Variants in RBFOX1 observed in about 807,000 individuals in gnomAD.
RBFOX1 encodes the protein RNA binding fox-1 homolog 1.
RBFOX1 carries 8 observed loss-of-function variants against 57.7 expected under a neutral mutation model. That is an observed-to-expected ratio of 0.14 (90% CI 0.08 to 0.25). The LOEUF is 0.25. RBFOX1 is among the 10% of genes least tolerant of loss of function. RBFOX1 has a pLI of 1.00. For synonymous variants in RBFOX1, 326 were observed against 222.4 expected (o/e 1.47, Z -4.15); for missense variants, 611 against 548.5 (o/e 1.11, Z -1.14).
chr16:6,060,141 T>G (rs1254023769), intron 1 of RBFOX1, among the ~76,000 whole-genome samples: 8 of 28,936 alleles, frequency 2.8e-4, no homozygotes, highest in East Asian at 1.5e-3. Flanking sequence ...TTTTTTTTTT[T>G]TTTTTTTTTT....
intron 2 of RBFOX1, among the ~76,000 whole-genome samples, chr16:6,644,771 C>A (rs925107574): frequency 6.6e-6 from 1 of 152,118 alleles, no homozygotes; most frequent in Non-Finnish European, 1.5e-5. Context: ...CCTGTGATTG[C>A]CCTGGGATTC....
At chr16:6,558,325 C>T (rs1452648908) in intron 2 of RBFOX1, among the ~76,000 whole-genome samples, 1 of 152,136 alleles carries the variant, frequency 6.6e-6, no homozygotes, top group Non-Finnish European at 1.5e-5. Flanking sequence ...CATGTTGCCG[C>T]TGCTGCTGCT....
At chr16:7,040,649 A>T (rs2045856478) in intron 3 of RBFOX1, among the ~76,000 whole-genome samples, 1 of 152,106 alleles carries the variant, frequency 6.6e-6, no homozygotes, top group Non-Finnish European at 1.5e-5. Context: ...ACTTTTTTCC[A>T]GGTATAAATG....
intron 4 of RBFOX1, among the ~76,000 whole-genome samples, chr16:7,244,567 A>G (rs11077161): frequency 0.66 from 100,128 of 152,114 alleles, 35,163 homozygotes; most frequent in African/African-American, 0.91. Flanking sequence ...CAATGCTCCT[A>G]GAGAAAGGGA....
chr16:6,355,938 A>G (rs960423244), intron 2 of RBFOX1, among the ~76,000 whole-genome samples: 2 of 152,204 alleles, frequency 1.3e-5, no homozygotes, highest in Admixed American at 6.5e-5. Flanking sequence ...GTAGGTCAAG[A>G]AAACACATGG....
chr16:6,322,186 G>A (rs1225771893), intron 2 of RBFOX1, among the ~76,000 whole-genome samples: 1 of 152,118 alleles, frequency 6.6e-6, no homozygotes, highest in Non-Finnish European at 1.5e-5. Context: ...TACGTATCTG[G>A]GAATTCTTTC....
At chr16:6,521,300 A>G (rs1370202901) in intron 2 of RBFOX1, among the ~76,000 whole-genome samples, 1 of 152,094 alleles carries the variant, frequency 6.6e-6, no homozygotes, top group Non-Finnish European at 1.5e-5. Flanking sequence ...TGGATATGTT[A>G]ATTTCTGAAG....
intron 4 of RBFOX1, among the ~76,000 whole-genome samples, chr16:7,324,421 C>T (rs1299399677): frequency 6.6e-6 from 1 of 152,040 alleles, no homozygotes; most frequent in Non-Finnish European, 1.5e-5. Context: ...AAAGAAAAGT[C>T]CAGCGGAGTA....
intron 10 of RBFOX1, among the ~76,000 whole-genome samples, chr16:7,619,237 T>C (rs995836122): frequency 6.6e-6 from 1 of 152,180 alleles, no homozygotes; most frequent in Non-Finnish European, 1.5e-5. Context: ...AAACTATTTG[T>C]ATGATTCTAG....
At chr16:5,685,841 C>A (rs912557929) in intron 3 of RBFOX1, among the ~76,000 whole-genome samples, 1 of 152,130 alleles carries the variant, frequency 6.6e-6, no homozygotes, top group African/African-American at 2.4e-5. Flanking sequence ...AGCAATTTCA[C>A]CTTTAATTAT....
At chr16:6,808,321 G>C (rs1205959449) in intron 3 of RBFOX1, among the ~76,000 whole-genome samples, 1 of 151,768 alleles carries the variant, frequency 6.6e-6, no homozygotes, top group Non-Finnish European at 1.5e-5. Context: ...CCCCACCACT[G>C]ATTCCCATCT....
intron 2 of RBFOX1, among the ~76,000 whole-genome samples, chr16:5,519,708 G>C (rs1030788068): frequency 6.6e-6 from 1 of 152,222 alleles, no homozygotes; most frequent in African/African-American, 2.4e-5. Context: ...CTGAATGATA[G>C]AGTGAGATGG....
chr16:6,826,302 C>T (rs2092127974), intron 3 of RBFOX1, among the ~76,000 whole-genome samples: 1 of 152,086 alleles, frequency 6.6e-6, no homozygotes, highest in Non-Finnish European at 1.5e-5. Flanking sequence ...CGTTTGAGTC[C>T]AGGAGTTCAA....
chr16:6,870,305 G>A (rs148477510), intron 3 of RBFOX1, among the ~76,000 whole-genome samples: 97 of 152,162 alleles, frequency 6.4e-4, no homozygotes, highest in African/African-American at 2.2e-3. Flanking sequence ...TTGTTTGTCA[G>A]CACTACTGAA....
At chr16:6,090,007 G>A (rs1001188208) in intron 1 of RBFOX1, 6 of 152,184 alleles carry the variant, frequency 3.9e-5, no homozygotes, top group Admixed American at 1.3e-4. Context: ...ACATCACGAG[G>A]TAGGCAGCAA....
Position 7,452,253 on chromosome 16 carries a change from T to C in RBFOX1, c.28-65894T>C, listed in dbSNP as rs184952126. On this transcript the variant is annotated intron_variant, in intron 4 of 15. Transcript: ENST00000550418. ...TGGCTTGGTTAAAGCACTTTAGTAA[T>C]AGTCTATTTAGGGTAACAATGTAGC... Among the ~76,000 whole-genome samples the C allele has an allele frequency of 1.8e-3, 280 of 152,300 alleles. 2 individuals are homozygous for C. The highest frequency in any genetic ancestry group is 6.4e-3 in the African/African-American group (267 of 41,570).
rs191011087 is a variant in RBFOX1, at chr16:6,980,517, G to C, written c.-15-71540G>C. ...ATTCCTAGGCCCACTGGTTATCCAT[G>C]AACAGAAAAGTGTTTTCCAAGCTAA... On this transcript the variant is annotated intron_variant, in intron 3 of 15. Coordinates refer to ENST00000550418, the MANE Select transcript of RBFOX1 (RefSeq NM_018723.4). Among the ~76,000 whole-genome samples, 128 of 152,262 alleles carry C rather than the reference G, an allele frequency of 8.4e-4. 2 individuals carry two copies. The highest frequency in any genetic ancestry group is 3.4e-3 in the Middle Eastern group (1 of 294).
At chr16:6,742,828 A>G (rs1165880432) in intron 3 of RBFOX1, among the ~76,000 whole-genome samples, 1 of 152,096 alleles carries the variant, frequency 6.6e-6, no homozygotes, top group African/African-American at 2.4e-5. Flanking sequence ...ATGGTGGGAG[A>G]AAAAAAGATG....
chr16:6,020,352 C>T (rs189834465), intron 1 of RBFOX1, among the ~76,000 whole-genome samples: 5 of 152,198 alleles, frequency 3.3e-5, no homozygotes, highest in African/African-American at 9.6e-5. Flanking sequence ...TCTCCCTGGC[C>T]GGCTGCAAGC....
Sources: gnomAD v4.1 joint callset for allele counts (sites outside exome capture counted in the v4.1 genomes callset) on GRCh38, gnomAD v4.1.1 for gene constraint, MANE v1.5 for transcripts, NCBI Gene and HGNC (gene_info 2026-07-23, HGNC 2026-07-21) for gene names.